SYCE1: variants seen among roughly 807,000 people sequenced by gnomAD.
The protein encoded by SYCE1 is cancer/testis antigen 76.
In SYCE1, 37 loss-of-function variants were observed where a neutral mutation model predicts 55.1. The ratio of observed to expected loss-of-function variants is 0.67; its 90% CI spans 0.52 to 0.88. SYCE1 has a LOEUF of 0.88. Ranked by LOEUF, SYCE1 falls within the 40% of genes least tolerant of loss-of-function variation. The pLI, the probability that SYCE1 is intolerant of heterozygous loss-of-function variation, is 0.00. For synonymous variants in SYCE1, 163 were observed against 159.4 expected (o/e 1.02, Z -0.17); for missense variants, 399 against 416.4 (o/e 0.96, Z 0.36).
upstream of SYCE1, among the ~76,000 whole-genome samples, chr10:133,567,103 G>T (rs1851961716): frequency 6.6e-6 from 1 of 151,542 alleles, no homozygotes; most frequent in Admixed American, 6.6e-5. Flanking sequence ...GGGGTTAGGT[G>T]TAGGAGTAGG....
chr10:133,566,648 G>C (rs961880781), upstream of SYCE1, among the ~76,000 whole-genome samples: 2 of 146,824 alleles, frequency 1.4e-5, no homozygotes, highest in African/African-American at 5.1e-5. Flanking sequence ...GGGGATTAGG[G>C]TCAGGGGTGG....
upstream of SYCE1, among the ~76,000 whole-genome samples, chr10:133,567,021 G>A (rs557342251): frequency 6.6e-6 from 1 of 151,828 alleles, no homozygotes; most frequent in African/African-American, 2.4e-5. Context: ...TACGGTTCGG[G>A]CTAGGGTTTT....
At chr10:133,558,502 G>A in intron 4 of SYCE1, 1 of 551,660 alleles carries the variant, frequency 1.8e-6, no homozygotes, top group South Asian at 2.3e-5. Context: ...GGGCTATAAA[G>A]AAACACATCA....
chr10:133,554,031 T>G, downstream of SYCE1: 1 of 351,946 alleles, frequency 2.8e-6, no homozygotes, highest in Non-Finnish European at 5.1e-6. Context: ...CAATAAAAGC[T>G]AAAGTTCCTT....
In SYCE1 at chr10:133,556,744, C is replaced by T. The variant is rs1851692407; in HGVS notation, c.528+15G>A. The T allele has an allele frequency of 2.6e-6, 4 of 1,557,032 alleles. No homozygotes were observed. In the African/African-American group the frequency reaches 5.5e-5, roughly 21 times the overall value. ...GAAGATGTGGAAGGGGGAGGAGTGG[C>T]TTTGAGGGACTCACGTGGAAGTCCC... On this transcript the variant is annotated intron_variant, in intron 8 of 12. Coordinates refer to ENST00000343131, the MANE Select transcript of SYCE1 (RefSeq NM_001143764.3).
upstream of SYCE1, chr10:133,565,606 G>GTCCT: frequency 6.9e-7 from 1 of 1,445,894 alleles, no homozygotes; most frequent in Non-Finnish European, 9.4e-7. Flanking sequence ...GCTGGGGGCA[G>GTCCT]GACTCCAGGC....
At chr10:133,565,865 C>G (rs1304970091), upstream of SYCE1, among the ~76,000 whole-genome samples, 1 of 152,242 alleles carries the variant, frequency 6.6e-6, no homozygotes, top group Non-Finnish European at 1.5e-5. Context: ...GAGCAGTACG[C>G]ATGTGTAGCG....
upstream of SYCE1, chr10:133,568,138 GAC>G: frequency 1.2e-6 from 1 of 834,680 alleles, no homozygotes. Flanking sequence ...CACCCAGCCC[GAC>G]ACAGAGGCAC....
chr10:133,554,460 C>A (rs1851602397), downstream of SYCE1: 3 of 817,738 alleles, frequency 3.7e-6, no homozygotes, highest in East Asian at 7.4e-5. Flanking sequence ...ATCAGATGCA[C>A]ATGACTTACA....
At chr10:133,556,557 G>A (rs1461120017) in intron 8 of SYCE1, 3 of 624,252 alleles carry the variant, frequency 4.8e-6, no homozygotes, top group East Asian at 5.6e-5. Context: ...CTTGACCTTG[G>A]TCTCATCAGA....
At position 133,555,851 on chromosome 10, in the gene SYCE1, C is replaced by G; in HGVS notation, c.648G>C (p.Leu216=). ...GGGTGGAGGGGCCCTCAGCCCCACA[C>G]AGGGAGCACAGCTGATGCTTCACGT... ...LEDVKHQLCS[L]CGAEGPSTLD... is the part of the protein sequence containing the mutation. Residue 216 remains leucine (L), a synonymous_variant, in exon 10 of 13, where the codon CTG becomes CTC. Coordinates refer to ENST00000343131, the MANE Select transcript of SYCE1 (RefSeq NM_001143764.3). The G allele has an allele frequency of 1.2e-6, 2 of 1,614,078 alleles. No homozygotes were observed. Among genetic ancestry groups the G allele is most frequent in the Non-Finnish European group, 1.7e-6 (2 of 1,180,016 alleles).
At chr10:133,554,034 A>C (rs1851588031), downstream of SYCE1, 1 of 356,062 alleles carries the variant, frequency 2.8e-6, no homozygotes, top group Admixed American at 4.5e-5. Context: ...TAAAAGCTAA[A>C]GTTCCTTCTA....
At position 133,556,066 on chromosome 10, in the gene SYCE1, G is replaced by A; in HGVS notation, c.529-19C>T. On this transcript the variant is annotated intron_variant, in intron 8 of 12. Transcript: ENST00000343131. ...CTGGCATCTGAGGGGCAGAAAAGAG[G>A]CCTGTCCACTCCTCTTGGCTTTCCC... The A allele has an allele frequency of 6.2e-7, 1 of 1,611,944 alleles. No individual in the cohort carries two copies. Among genetic ancestry groups the A allele is most frequent in the Non-Finnish European group, 8.5e-7 (1 of 1,179,930 alleles).
chr10:133,558,102 T>C (rs8181458), intron 5 of SYCE1, 65 bp downstream of exon 5: 174,576 of 1,602,340 alleles, frequency 0.11, 10,943 homozygotes, highest in East Asian at 0.27. Flanking sequence ...TCAGCTGCCA[T>C]AGGGAGAGTG....
chr10:133,556,262 G>A (rs1851680490), intron 8 of SYCE1: 4 of 603,608 alleles, frequency 6.6e-6, no homozygotes, highest in Non-Finnish European at 1.2e-5. Flanking sequence ...CGGTACTGCA[G>A]TGGGGATGCT....
intron 1 of SYCE1, among the ~76,000 whole-genome samples, chr10:133,565,067 G>A (rs935680548): frequency 4.6e-5 from 7 of 152,206 alleles, no homozygotes; most frequent in African/African-American, 1.2e-4. Flanking sequence ...AGTTTAGTGC[G>A]ACTGGGAAAT....
Position 133,560,095 on chromosome 10 carries a change from C to A in SYCE1, c.132G>T (p.Gln44His). The A allele has an allele frequency of 6.2e-7, 1 of 1,614,096 alleles. No individual in the cohort carries two copies. The highest frequency in any genetic ancestry group is 8.5e-7 in the Non-Finnish European group (1 of 1,179,956). ...EDLMEMVQKL[Q>H]KVGSLEPRVE... ...CACACAAAGGAGACACACGACCTTTCTGCAGCTTTTGCACCATTTCCATCA... is the reference window on the plus strand; with the variant it reads ...CACACAAAGGAGACACACGACCTTTATGCAGCTTTTGCACCATTTCCATCA... The change falls in exon 2 of 13, where the codon CAG (glutamine) becomes CAT (histidine). Residue 44 changes from glutamine (Q) to histidine (H), a missense_variant. By Grantham distance (24) the Gln-to-His change is conservative. Coordinates refer to ENST00000343131, the MANE Select transcript of SYCE1 (RefSeq NM_001143764.3).
rs749937880 is a variant in SYCE1, at chr10:133,557,136, T to C, written c.395A>G (p.Glu132Gly). Reference protein sequence around the residue: ...EAHRKHTMLQECKERISALNL... With the variant: ...EAHRKHTMLQGCKERISALNL... The stretch of plus-strand genomic sequence containing the variant: ...CAGGGCAGAAATTCTCTCCTTGCAC[T>C]CCTGCAACATGGTGTGCTTCCTGGG... Residue 132 changes from glutamate (E) to glycine (G), a missense_variant, in exon 7 of 13, where the codon GAG becomes GGG. Glu to Gly is a moderately conservative substitution (Grantham distance 98). Coordinates refer to ENST00000343131, the MANE Select transcript of SYCE1 (RefSeq NM_001143764.3). The C allele has an allele frequency of 6.2e-7, 1 of 1,614,100 alleles. No individual in the cohort carries two copies. Among genetic ancestry groups the C allele is most frequent in the South Asian group, 1.1e-5 (1 of 91,072 alleles).
At chr10:133,557,637 G>A in intron 6 of SYCE1, 1 of 593,448 alleles carries the variant, frequency 1.7e-6, no homozygotes, top group East Asian at 2.8e-5. Flanking sequence ...AAAACCAGCT[G>A]AAGAAATTTA....
Sources: gnomAD v4.1 joint callset for allele counts (sites outside exome capture counted in the v4.1 genomes callset) on GRCh38, gnomAD v4.1.1 for gene constraint, MANE v1.5 for transcripts, NCBI Gene and HGNC (gene_info 2026-07-23, HGNC 2026-07-21) for gene names.